The following CSMD1 variants were observed in gnomAD, a reference collection of about 807,000 sequenced individuals.
CSMD1 encodes CUB and sushi domain-containing protein 1.
Under a neutral mutation model 417.5 loss-of-function variants are expected in CSMD1, and 213 were observed. That is an observed-to-expected ratio of 0.51 (90% CI 0.46 to 0.57). The LOEUF (loss-of-function observed/expected upper bound fraction) is 0.57. Ranked by LOEUF, CSMD1 falls within the 20% of genes least tolerant of loss-of-function variation. CSMD1 has a pLI of 0.00. For synonymous variants in CSMD1, 2,862 were observed against 1,736.8 expected (o/e 1.65, Z -16.11); for missense variants, 6,923 against 4,529.7 (o/e 1.53, Z -15.17).
In CSMD1 at chr8:3,338,992, C is replaced by A. The variant is rs185235586; in HGVS notation, c.3631+4302G>T. ...CGATGCTCTCCCTCCCCCCTCCCCC[C>A]ACCCCACAACAGTCCCCTGAGTGTG... On this transcript the variant is annotated intron_variant, in intron 23 of 69. Coordinates refer to ENST00000635120, the MANE Select transcript of CSMD1 (RefSeq NM_033225.6). Among the ~76,000 whole-genome samples, 4 of 127,990 alleles carry A rather than the reference C, an allele frequency of 3.1e-5. 1 individual carries two copies. Among genetic ancestry groups the A allele is most frequent in the African/African-American group, 5.8e-5 (2 of 34,510 alleles). 84.0% of individuals were successfully genotyped at this position (127,990 alleles called of 152,430 possible).
intron 2 of CSMD1, among the ~76,000 whole-genome samples, chr8:4,586,929 A>G (rs2130717684): frequency 6.6e-6 from 1 of 152,342 alleles, no homozygotes; most frequent in Admixed American, 6.5e-5. Context: ...ATAAATGAGA[A>G]CTTGCATGCA....
intron 2 of CSMD1, among the ~76,000 whole-genome samples, chr8:4,491,846 C>T (rs151121023): frequency 1.8e-3 from 271 of 152,228 alleles, no homozygotes; most frequent in African/African-American, 4.4e-3. Flanking sequence ...TCTTACTGTA[C>T]GATCCAGCAA....
At position 3,285,962 on chromosome 8, in the gene CSMD1, T is replaced by A. The variant is rs1417652622; in HGVS notation, c.3951-1616A>T. 4.6e-5 allele frequency among the ~76,000 whole-genome samples: 7 copies of A among 152,128 alleles called. No individual in the cohort carries two copies. The East Asian group carries it at 1.3e-3, about 29-fold the overall frequency. On this transcript the variant is annotated intron_variant, in intron 25 of 69. Coordinates refer to ENST00000635120, the MANE Select transcript of CSMD1 (RefSeq NM_033225.6). The stretch of plus-strand genomic sequence containing the variant: ...CTCACCATTTAACATTAGATAAATT[T>A]CCTAATGCTATCCCTCCCCACTTCC...
intron 5 of CSMD1, among the ~76,000 whole-genome samples, chr8:3,790,189 T>A (rs907147242): frequency 2.0e-5 from 3 of 152,236 alleles, no homozygotes; most frequent in Non-Finnish European, 4.4e-5. Context: ...TCAGAACTCT[T>A]TTGCATCTAG....
At chr8:3,149,791 G>A (rs1264294754) in intron 40 of CSMD1, among the ~76,000 whole-genome samples, 1 of 152,086 alleles carries the variant, frequency 6.6e-6, no homozygotes, top group Non-Finnish European at 1.5e-5. Context: ...GGTATTTCAG[G>A]TATAGAAAGG....
chr8:4,216,231 G>GC (rs1345809650), intron 3 of CSMD1, among the ~76,000 whole-genome samples: 1 of 151,946 alleles, frequency 6.6e-6, no homozygotes, highest in East Asian at 1.9e-4. Context: ...TCCTGCACAT[G>GC]CCCTTTTTTT....
intron 1 of CSMD1, among the ~76,000 whole-genome samples, chr8:4,984,075 A>G (rs1340713344): frequency 6.6e-6 from 1 of 152,212 alleles, no homozygotes; most frequent in East Asian, 1.9e-4. Context: ...CCTACAGAGA[A>G]AAGCATGTAC....
intron 3 of CSMD1, among the ~76,000 whole-genome samples, chr8:4,267,504 C>A (rs377628246): frequency 1.3e-5 from 2 of 151,426 alleles, no homozygotes; most frequent in African/African-American, 2.4e-5. Flanking sequence ...CATATCTAAA[C>A]GCAGTAAGTA....
intron 37 of CSMD1, among the ~76,000 whole-genome samples, chr8:3,166,328 C>A (rs1380186613): frequency 6.6e-6 from 1 of 152,050 alleles, no homozygotes; most frequent in Non-Finnish European, 1.5e-5. Context: ...GTCAGGTGTT[C>A]AAGACCAGCC....
At position 3,387,554 on chromosome 8, in the gene CSMD1, C is replaced by G; in HGVS notation, c.2722G>C (p.Asp908His). The G allele has an allele frequency of 6.2e-7, 1 of 1,601,884 alleles. No homozygotes were observed. The highest frequency in any genetic ancestry group is 8.5e-7 in the Non-Finnish European group (1 of 1,174,208). The change falls in exon 18 of 70, where the codon GAC becomes CAC. Residue 908 changes from aspartate (D) to histidine (H), a missense_variant. By Grantham distance (81) the Asp-to-His change is moderately conservative. Transcript: ENST00000635120. ...TTCCTCTCACAGACGAGGGGCTCGT[C>G]GTCACTTAGTGTGTACCCCGGGTCA... ...SCDPGYTLSD[D>H]EPLVCERNHQ...
chr8:3,668,403 A>G (rs1028037480), intron 7 of CSMD1, among the ~76,000 whole-genome samples: 5 of 152,144 alleles, frequency 3.3e-5, no homozygotes, highest in Admixed American at 6.5e-5. Context: ...TGTATTTTTA[A>G]GATAACTCAG....
At chr8:4,364,522 T>C (rs1014191719) in intron 3 of CSMD1, among the ~76,000 whole-genome samples, 5 of 141,942 alleles carry the variant, frequency 3.5e-5, no homozygotes, top group Admixed American at 2.9e-4. Flanking sequence ...AGTTAAAACA[T>C]TTTTTAAAAA....
intron 7 of CSMD1, among the ~76,000 whole-genome samples, chr8:3,648,410 C>T (rs1269363638): frequency 6.6e-6 from 1 of 152,172 alleles, no homozygotes; most frequent in African/African-American, 2.4e-5. Context: ...GCCTGCTGCA[C>T]TAATGATGCA....
At chr8:4,166,710 A>G (rs138656717) in intron 3 of CSMD1, among the ~76,000 whole-genome samples, 3 of 152,278 alleles carry the variant, frequency 2.0e-5, no homozygotes, top group East Asian at 1.9e-4. Flanking sequence ...TCTAAAGAAC[A>G]TATCTATGTA....
chr8:4,981,459 A>G (rs895958112), intron 1 of CSMD1, among the ~76,000 whole-genome samples: 2 of 152,332 alleles, frequency 1.3e-5, no homozygotes, highest in African/African-American at 4.8e-5. Flanking sequence ...TGCACAACCA[A>G]AACCTGATAT....
At chr8:3,525,971 G>T (rs751488100) in intron 10 of CSMD1, among the ~76,000 whole-genome samples, 2 of 152,096 alleles carry the variant, frequency 1.3e-5, no homozygotes, top group African/African-American at 2.4e-5. Context: ...TTCAGCTCTG[G>T]TAAAATCAGC....
chr8:3,540,859 T>C (rs564821682), intron 10 of CSMD1, among the ~76,000 whole-genome samples: 107 of 152,248 alleles, frequency 7.0e-4, no homozygotes, highest in African/African-American at 2.4e-3. Flanking sequence ...AGATCACAAT[T>C]ATTAAAAAGT....
At chr8:3,922,255 C>A (rs1299060585) in intron 5 of CSMD1, among the ~76,000 whole-genome samples, 1 of 151,912 alleles carries the variant, frequency 6.6e-6, no homozygotes, top group African/African-American at 2.4e-5. Flanking sequence ...TTACTTTCAA[C>A]CTATGTGTGC....
At chr8:4,135,371 A>C (rs1007387000) in intron 3 of CSMD1, among the ~76,000 whole-genome samples, 1 of 44,290 alleles carries the variant, frequency 2.3e-5, no homozygotes, top group Non-Finnish European at 4.4e-5. Flanking sequence ...AAGGAAGGGG[A>C]AAGTGGGAAA....
Sources: gnomAD v4.1 joint callset for allele counts (sites outside exome capture counted in the v4.1 genomes callset) on GRCh38, gnomAD v4.1.1 for gene constraint, MANE v1.5 for transcripts, NCBI Gene and HGNC (gene_info 2026-07-23, HGNC 2026-07-21) for gene names.